DMXL2: variants seen among roughly 807,000 people sequenced by gnomAD.
The protein encoded by DMXL2 is dmX-like protein 2.
Under a neutral mutation model 331.1 loss-of-function variants are expected in DMXL2, and 103 were observed. The observed-to-expected ratio is 0.31, with a 90% confidence interval of 0.27 to 0.37. DMXL2 has a LOEUF of 0.37. DMXL2 is among the 10% of genes least tolerant of loss of function. The pLI, the probability that DMXL2 is intolerant of heterozygous loss-of-function variation, is 1.00. For synonymous variants in DMXL2, 1,281 were observed against 1,252.1 expected, an observed-to-expected ratio of 1.02 and a Z score of -0.49; for missense variants, 3,171 against 3,642.9, an observed-to-expected ratio of 0.87 and a Z score of 3.33.
At chr15:51,620,013 T>C (rs2054530751) in intron 1 of DMXL2, among the ~76,000 whole-genome samples, 1 of 152,076 alleles carries the variant, frequency 6.6e-6, no homozygotes, top group South Asian at 2.1e-4. Context: ...AGTGACAGGC[T>C]CCATGAAGAG....
intron 1 of DMXL2, among the ~76,000 whole-genome samples, chr15:51,603,054 A>G (rs1392325511): frequency 3.3e-5 from 5 of 152,338 alleles, no homozygotes; most frequent in African/African-American, 1.2e-4. Context: ...TCAATAACAT[A>G]GGTTTCCATC....
intron 31 of DMXL2, among the ~76,000 whole-genome samples, chr15:51,465,118 A>G (rs1445763528): frequency 5.3e-5 from 8 of 152,332 alleles, no homozygotes; most frequent in Middle Eastern, 6.8e-3. Context: ...GACTGAAGCC[A>G]GGTGTGGTGG....
At chr15:51,474,798 G>A (rs1385038963) in intron 27 of DMXL2, among the ~76,000 whole-genome samples, 1 of 152,068 alleles carries the variant, frequency 6.6e-6, no homozygotes, top group Non-Finnish European at 1.5e-5. Context: ...TAATAAATGA[G>A]TAGATAAACA....
Position 51,480,669 on chromosome 15 carries a change from G to A in DMXL2, c.6437C>T (p.Ser2146Leu), listed in dbSNP as rs143319761. ...GAGATCTTGGTTTTTCTGCAACCAC[G>A]ACTTTCGTCTTTCTGCATGCTCTCG... Reference protein sequence around the residue: ...AKREHAERRKSWLQKNQDLLR... With the variant: ...AKREHAERRKLWLQKNQDLLR... Residue 2146 changes from serine (S) to leucine (L), a missense_variant, in exon 24 of 44, where the codon TCG (serine) becomes TTG (leucine). Around this residue, in one of 7 missense-constraint regions of DMXL2, gnomAD observed 197 missense variants for 196.2 expected, o/e 1.00. Transcript: ENST00000560891. 7.6e-5 allele frequency: 123 copies of A among 1,612,586 alleles called. No individual in the cohort carries two copies. The highest frequency in any genetic ancestry group is 9.8e-5 in the Non-Finnish European group (116 of 1,178,924).
intron 9 of DMXL2, among the ~76,000 whole-genome samples, chr15:51,539,232 A>G (rs2048454692): frequency 6.6e-6 from 1 of 152,058 alleles, no homozygotes; most frequent in Non-Finnish European, 1.5e-5. Context: ...GGAAGAAAGA[A>G]AGAAAGAGAA....
At chr15:51,618,431 A>C (rs1208492575) in intron 1 of DMXL2, among the ~76,000 whole-genome samples, 4 of 152,098 alleles carry the variant, frequency 2.6e-5, no homozygotes, top group Non-Finnish European at 5.9e-5. Flanking sequence ...CTAGGACTGA[A>C]ATTTTATTCT....
chr15:51,487,384 C>T (rs1361837800), intron 22 of DMXL2, among the ~76,000 whole-genome samples: 1 of 152,048 alleles, frequency 6.6e-6, no homozygotes, highest in African/African-American at 2.4e-5. Context: ...AGAAGACATT[C>T]ATAAACTATT....
intron 1 of DMXL2, among the ~76,000 whole-genome samples, chr15:51,582,042 T>C (rs887278664): frequency 6.6e-6 from 1 of 152,186 alleles, no homozygotes; most frequent in African/African-American, 2.4e-5. Context: ...TAAATATGTC[T>C]ACTTTTCTAC....
At chr15:51,582,152 T>C (rs536553654) in intron 1 of DMXL2, among the ~76,000 whole-genome samples, 1 of 152,260 alleles carries the variant, frequency 6.6e-6, no homozygotes, top group East Asian at 1.9e-4. Flanking sequence ...ACTATTTTCA[T>C]TCTATATTCC....
intron 1 of DMXL2, among the ~76,000 whole-genome samples, chr15:51,607,482 T>C (rs1330772170): frequency 6.6e-6 from 1 of 151,782 alleles, no homozygotes; most frequent in African/African-American, 2.4e-5. Context: ...AAAAAAAAGA[T>C]AGAAAACATG....
rs2043378287 is a variant in DMXL2 at position 51,498,920 on chromosome 15, A to C, written c.4304T>G (p.Leu1435Arg). The part of the protein sequence containing the change: ...SIPPLPLYAL[L>R]AADQDTSYRI... ...GTAGGATGTATCTTGATCTGCAGCA[A>C]GTAATGCATATAGTGGTAGTGGAGG... Residue 1435 changes from leucine (L) to arginine (R), a missense_variant, in exon 18 of 44, where the codon CTT (leucine) becomes CGT (arginine). Leu to Arg is a moderately radical substitution (Grantham distance 102). This residue lies in a region of DMXL2 where 1,674 missense variants were observed against 1,780.2 expected (regional missense o/e 0.94). Coordinates refer to ENST00000560891, the MANE Select transcript of DMXL2 (RefSeq NM_001378457.1). 1.2e-6 allele frequency: 2 copies of C among 1,614,048 alleles called. No individual in the cohort carries two copies. Among genetic ancestry groups the C allele is most frequent in the Admixed American group, 1.7e-5 (1 of 60,006 alleles).
chr15:51,451,799 T>G, intron 41 of DMXL2, 102 bp from the exon 42 acceptor site: 1 of 1,027,438 alleles, frequency 9.7e-7, no homozygotes, highest in South Asian at 1.4e-5. Context: ...TTATTCATTC[T>G]TATCTTTTTT....
chr15:51,517,514 G>C (rs1400200443), intron 13 of DMXL2, among the ~76,000 whole-genome samples: 2 of 152,228 alleles, frequency 1.3e-5, no homozygotes, highest in Non-Finnish European at 2.9e-5. Flanking sequence ...AACCCTGCCA[G>C]ACCGAAGGTA....
At chr15:51,581,826 T>C (rs1396736956) in intron 1 of DMXL2, among the ~76,000 whole-genome samples, 1 of 152,098 alleles carries the variant, frequency 6.6e-6, no homozygotes, top group Non-Finnish European at 1.5e-5. Flanking sequence ...TCCCGGAAGT[T>C]ACAGGGTCAA....
At chr15:51,563,869 T>A (rs28648597) in intron 5 of DMXL2, among the ~76,000 whole-genome samples, 72,949 of 151,806 alleles carry the variant, frequency 0.48, 17,844 homozygotes, top group Non-Finnish European at 0.52. Context: ...TTAATGAGTA[T>A]TTCCTATGTA....
chr15:51,599,994 C>T (rs749794254), intron 1 of DMXL2, among the ~76,000 whole-genome samples: 9 of 151,566 alleles, frequency 5.9e-5, no homozygotes, highest in African/African-American at 2.2e-4. Flanking sequence ...CCATTGCACC[C>T]GGCTGCCTTC....
intron 34 of DMXL2, chr15:51,459,311 G>C (rs1595890553): frequency 8.5e-6 from 2 of 236,288 alleles, no homozygotes; most frequent in South Asian, 1.1e-4. Context: ...TTGGTGATGG[G>C]AAGGAAAGAA....
chr15:51,576,587 G>C (rs1292194841), intron 1 of DMXL2, among the ~76,000 whole-genome samples: 1 of 152,122 alleles, frequency 6.6e-6, no homozygotes, highest in Non-Finnish European at 1.5e-5. Context: ...CCAGGCTTAA[G>C]AAATATCAAG....
intron 1 of DMXL2, among the ~76,000 whole-genome samples, chr15:51,618,942 T>C (rs901391655): frequency 6.6e-6 from 1 of 152,214 alleles, no homozygotes; most frequent in African/African-American, 2.4e-5. Flanking sequence ...GTTGAAATCA[T>C]GTCACACTGG....
Sources: allele counts gnomAD v4.1 joint callset (sites outside exome capture counted in the v4.1 genomes callset), GRCh38; gene constraint gnomAD v4.1.1; regional missense constraint gnomAD v4.1.1; transcripts MANE v1.5; gene names NCBI Gene and HGNC (gene_info 2026-07-23, HGNC 2026-07-21).